CSNK2A1: variants seen among roughly 807,000 people sequenced by gnomAD.
CSNK2A1 encodes the protein casein kinase II subunit alpha.
A neutral mutation model predicts 62.9 loss-of-function variants in CSNK2A1; 10 were observed. That is an observed-to-expected ratio of 0.16 (90% CI 0.10 to 0.27). The LOEUF is 0.27. CSNK2A1 is among the 10% of genes least tolerant of loss of function. The probability of loss-of-function intolerance (pLI) is 1.00; values close to 1 mark genes in which losing one functional copy is unlikely to be tolerated. For synonymous variants in CSNK2A1, 124 were observed against 167.8 expected (o/e 0.74, Z 2.02); for missense variants, 160 against 492.0 (o/e 0.33, Z 6.38).
At chr20:488,545 AT>A in intron 11 of CSNK2A1, 132 bp downstream of exon 11, 4 of 839,562 alleles carry the variant, frequency 4.8e-6, no homozygotes, top group Non-Finnish European at 5.7e-6. Flanking sequence ...TCAATGCAGC[AT>A]CCTGTGGCAC....
At position 499,230 on chromosome 20, in the gene CSNK2A1, C is replaced by A; in HGVS notation, c.366+25G>T. 3 of 1,574,110 alleles carry A rather than the reference C, an allele frequency of 1.9e-6. No individual in the cohort carries two copies. The highest frequency in any genetic ancestry group is 8.6e-7 in the Non-Finnish European group (1 of 1,159,230). ...TATGTGGTCTAAAAACCCACTAGCCCGAAACAGTTGGTTATATATTATACC... is the reference window on the plus strand; with the variant it reads ...TATGTGGTCTAAAAACCCACTAGCCAGAAACAGTTGGTTATATATTATACC... On this transcript the variant is annotated intron_variant, in intron 6 of 13. Transcript: ENST00000217244. The surrounding 1 kb of genome is among the most constrained non-coding windows in gnomAD (Gnocchi z 4.2).
intron 1 of CSNK2A1, among the ~76,000 whole-genome samples, chr20:530,847 G>A (rs1406941010): frequency 6.6e-6 from 1 of 152,128 alleles, no homozygotes; most frequent in African/African-American, 2.4e-5. Flanking sequence ...CAGTTTGGGA[G>A]GCTGAGGCAG....
At chr20:502,678 C>T (rs1426778023) in intron 4 of CSNK2A1, 1 of 152,168 alleles carries the variant, frequency 6.6e-6, no homozygotes, top group Non-Finnish European at 1.5e-5. Context: ...ACCCTTCATT[C>T]AAAATCATCA....
At chr20:494,894 C>T (rs190653968) in intron 8 of CSNK2A1, 1 of 152,310 alleles carries the variant, frequency 6.6e-6, no homozygotes, top group East Asian at 1.9e-4. Context: ...ATGGCTGGGT[C>T]CCTCCCAGTG....
intron 1 of CSNK2A1, chr20:540,796 T>C (rs929316131): frequency 3.3e-5 from 5 of 152,240 alleles, no homozygotes; most frequent in African/African-American, 9.6e-5. Flanking sequence ...ACAAATGTAG[T>C]AGCTAAAAAT....
intron 12 of CSNK2A1, 96 bp from the exon 13 acceptor site, chr20:486,558 TTA>T: frequency 3.1e-6 from 4 of 1,288,688 alleles, no homozygotes; most frequent in Non-Finnish European, 4.3e-6. Context: ...TCTTTGCAAT[TTA>T]TATATACTCT....
chr20:509,666 C>G (rs912591181), intron 2 of CSNK2A1, among the ~76,000 whole-genome samples: 1 of 152,212 alleles, frequency 6.6e-6, no homozygotes, highest in Non-Finnish European at 1.5e-5. Context: ...GCCTCAACTT[C>G]CTGGACTCCG....
At position 505,516 on chromosome 20, in the gene CSNK2A1, T is replaced by C. The variant is rs139172771; in HGVS notation, c.102-287A>G. Among the ~76,000 whole-genome samples, 2,248 of 151,348 alleles carry C rather than the reference T, an allele frequency of 0.015. 58 individuals are homozygous for C. The highest frequency in any genetic ancestry group is 0.047 in the African/African-American group (1,921 of 41,234). On this transcript the variant is annotated intron_variant, in intron 3 of 13. Coordinates refer to ENST00000217244, the MANE Select transcript of CSNK2A1 (RefSeq NM_177559.3). The stretch of plus-strand genomic sequence containing the variant: ...CTGGGACCACAGGCGCCTGCCACCA[T>C]GCCCGGCTAATTTTTTGAATTTTTA...
intron 13 of CSNK2A1, among the ~76,000 whole-genome samples, chr20:484,692 T>TGTGTGTGTG (rs1568495467): frequency 7.7e-6 from 1 of 129,514 alleles, no homozygotes; most frequent in African/African-American, 3.5e-5. Flanking sequence ...CTAATCATGT[T>TGTGTGTGTG]TTTGTGTGTG....
At chr20:519,620 C>G (rs1176931423) in intron 2 of CSNK2A1, among the ~76,000 whole-genome samples, 3 of 152,108 alleles carry the variant, frequency 2.0e-5, no homozygotes, top group African/African-American at 7.2e-5. Context: ...AACATTAGAA[C>G]AGCTGATTTT....
chr20:475,556 A>G lies in CSNK2A1; in HGVS notation c.*8405T>C, dbSNP rs892421865. 2 of 151,984 alleles carry G rather than the reference A, an allele frequency of 1.3e-5. No individual in the cohort carries two copies. The highest frequency in any genetic ancestry group is 1.3e-4 in the Admixed American group (2 of 15,260). 9.4% of individuals were successfully genotyped at this position (151,984 alleles called of 1,614,324 possible). On this transcript the variant is annotated 3_prime_UTR_variant, in exon 14 of 14. Coordinates refer to ENST00000217244, the MANE Select transcript of CSNK2A1 (RefSeq NM_177559.3). ...GGTTGCCTTCTGTTCCTACTGATAT[A>G]TATGAATAGTATGGCTGATTGCATT...
chr20:533,415 CA>C (rs1230360487), intron 1 of CSNK2A1, among the ~76,000 whole-genome samples: 1 of 152,120 alleles, frequency 6.6e-6, no homozygotes, highest in Non-Finnish European at 1.5e-5. Context: ...TTCCTACATA[CA>C]AAACATACAA....
chr20:499,739 A>C lies in CSNK2A1; in HGVS notation c.315+94T>G, dbSNP rs1022548504. ...ACTTTCAAAGCAGGACTTAATGATGAGGGTTGGGGGAGGGAACAAAAAGAG... is the reference window on the plus strand; with the variant it reads ...ACTTTCAAAGCAGGACTTAATGATGCGGGTTGGGGGAGGGAACAAAAAGAG... On this transcript the variant is annotated intron_variant, in intron 5 of 13. Transcript: ENST00000217244. The surrounding 1 kb of genome is among the most constrained non-coding windows in gnomAD (Gnocchi z 4.2). 1.7e-5 allele frequency: 19 copies of C among 1,126,762 alleles called. No homozygotes were observed. The highest frequency in any genetic ancestry group is 2.5e-5 in the Non-Finnish European group (19 of 753,432). The allele number at this position is 1,126,762 out of a possible 1,614,324, so 69.8% of individuals were successfully genotyped here. A position where few individuals can be genotyped will look rare whatever the true frequency, so the allele number is the denominator to read the frequency against.
intron 4 of CSNK2A1, chr20:503,570 G>A: frequency 2.5e-6 from 1 of 398,598 alleles, no homozygotes. Context: ...CTGCCAGCTT[G>A]AGGTGGTTCG....
intron 3 of CSNK2A1, chr20:505,938 G>A (rs1210239838): frequency 1.4e-5 from 2 of 140,234 alleles, no homozygotes; most frequent in Non-Finnish European, 3.0e-5. Context: ...GCAGTGGCGT[G>A]ATCTCGGCTC....
intron 1 of CSNK2A1, among the ~76,000 whole-genome samples, chr20:535,622 G>A (rs1329852408): frequency 1.3e-5 from 2 of 152,076 alleles, no homozygotes; most frequent in East Asian, 3.9e-4. Flanking sequence ...CCGGTGGGGT[G>A]GCATGCACCT....
At chr20:510,562 G>C (rs1385680982) in intron 2 of CSNK2A1, among the ~76,000 whole-genome samples, 4 of 151,976 alleles carry the variant, frequency 2.6e-5, no homozygotes. Flanking sequence ...AAATGATTCA[G>C]GAAAAAAATG....
intron 9 of CSNK2A1, among the ~76,000 whole-genome samples, chr20:490,704 CTTT>C (rs11476971): frequency 4.5e-5 from 6 of 134,290 alleles, no homozygotes; most frequent in Admixed American, 2.2e-4. Context: ...GTGCCTGGCT[CTTT>C]TTTTTTTTTT....
rs1203027187 is a variant in CSNK2A1, at chr20:480,042, G to A, written c.*3919C>T. 3 of 152,174 alleles carry A rather than the reference G, an allele frequency of 2.0e-5. No homozygotes were observed. Among genetic ancestry groups the A allele is most frequent in the Non-Finnish European group, 4.4e-5 (3 of 68,032 alleles). 9.4% of individuals were successfully genotyped at this position (152,174 alleles called of 1,614,324 possible). A position where few individuals can be genotyped will look rare whatever the true frequency, so the allele number is the denominator to read the frequency against. On this transcript the variant is annotated 3_prime_UTR_variant, in exon 14 of 14. Transcript: ENST00000217244. ...GCAGGGGAAAAGCAGGGAGACTGCAGCATCTAAGTCTACTAAATTGGCCAG... is the reference window on the plus strand; with the variant it reads ...GCAGGGGAAAAGCAGGGAGACTGCAACATCTAAGTCTACTAAATTGGCCAG...
Sources: allele counts gnomAD v4.1 joint callset (sites outside exome capture counted in the v4.1 genomes callset), GRCh38; gene constraint gnomAD v4.1.1; non-coding constraint Gnocchi (gnomAD v3.1); transcripts MANE v1.5; gene names NCBI Gene and HGNC (gene_info 2026-07-23, HGNC 2026-07-21).